SERBP1: variants seen among roughly 807,000 people sequenced by gnomAD.
SERBP1 encodes the protein SERPINE1 mRNA binding protein 1.
SERBP1 carries 6 observed loss-of-function variants against 50.2 expected under a neutral mutation model. The observed-to-expected ratio is 0.12, with a 90% CI of 0.07 to 0.24. The LOEUF (loss-of-function observed/expected upper bound fraction) is 0.24. Among genes scored for constraint, SERBP1 ranks in the 10% least tolerant of loss-of-function variants. The pLI is 1.00. For missense variants in SERBP1, 346 were observed against 524.9 expected, an observed-to-expected ratio of 0.66 and a Z score of 3.33; for synonymous variants, 168 against 182.8, an observed-to-expected ratio of 0.92 and a Z score of 0.65.
Position 67,426,205 on chromosome 1 carries a change from G to T in SERBP1, c.394C>A (p.Pro132Thr), listed in dbSNP as rs141908106. The T allele has an allele frequency of 7.5e-6, 12 of 1,610,400 alleles. No individual in the cohort carries two copies. In the East Asian group the frequency reaches 2.5e-4, roughly 33 times the overall value. Residue 132 changes from proline (P) to threonine (T), a missense_variant, in exon 2 of 8, where the codon CCA becomes ACA. Pro to Thr is a conservative substitution (Grantham distance 38, BLOSUM62 -1). Transcript: ENST00000361219. ...TTTTCGAATCTTCGTTCACGAGGTG[G>T]TCGCCTTTCTGGTCTTCTATCAATT... is the stretch of plus-strand genomic sequence containing the variant. The part of the protein sequence containing the change: ...KIIDRRPERR[P>T]PRERRFEKPL...
At chr1:67,418,236 A>G (rs1264829323) in intron 6 of SERBP1, among the ~76,000 whole-genome samples, 1 of 139,718 alleles carries the variant, frequency 7.2e-6, no homozygotes, top group Non-Finnish European at 1.6e-5. Context: ...CAGTCTCCCA[A>G]AAGTGCTGGG....
chr1:67,415,082 C>A, intron 7 of SERBP1, 84 bp downstream of exon 7: 1 of 1,409,378 alleles, frequency 7.1e-7, no homozygotes. Flanking sequence ...ACTTATGTTC[C>A]CAAAAGTGAC....
At chr1:67,425,479 T>G (rs190128169) in intron 2 of SERBP1, among the ~76,000 whole-genome samples, 84 of 152,352 alleles carry the variant, frequency 5.5e-4, no homozygotes, top group African/African-American at 2.0e-3. Context: ...CTGCTATTCA[T>G]TGCACATATA....
intron 1 of SERBP1, 140 bp downstream of exon 1, chr1:67,429,848 T>G: frequency 9.9e-7 from 1 of 1,007,816 alleles, no homozygotes; most frequent in Non-Finnish European, 1.5e-6. Flanking sequence ...GGACCGGACT[T>G]TTGTCGCGTG....
At chr1:67,420,333 G>T in intron 5 of SERBP1, 147 bp from the exon 6 acceptor site, 1 of 663,870 alleles carries the variant, frequency 1.5e-6, no homozygotes, top group Non-Finnish European at 2.5e-6. Flanking sequence ...AGTTTCCTAT[G>T]TAACTAAGCA....
At position 67,422,226 on chromosome 1, in the gene SERBP1, A is replaced by G. The variant is rs187155742; in HGVS notation, c.773+1974T>C. On this transcript the variant is annotated intron_variant, in intron 5 of 7. Transcript: ENST00000361219. ...AGAGCAAATTCTTTCTGAAGAAAAG[A>G]AAAAGTTTAAGGTGCGGCAGCTCAC... is the stretch of plus-strand genomic sequence containing the variant. Among the ~76,000 whole-genome samples the G allele has an allele frequency of 8.2e-3, 1,246 of 152,328 alleles. 17 individuals are homozygous for G. The highest frequency in any genetic ancestry group is 0.014 in the Non-Finnish European group (969 of 68,030).
At chr1:67,418,933 A>C (rs1316696719) in intron 6 of SERBP1, among the ~76,000 whole-genome samples, 1 of 152,252 alleles carries the variant, frequency 6.6e-6, no homozygotes, top group Admixed American at 6.5e-5. Context: ...CTGATAGAGA[A>C]AATGAATTTA....
At position 67,409,413 on chromosome 1, in the gene SERBP1, ACACACACC is replaced by A. The variant is rs1165368417; in HGVS notation, c.*3786_*3793del. On this transcript the variant is annotated 3_prime_UTR_variant, in exon 8 of 8. Transcript: ENST00000361219. ...CACACACACACACACACACACACAC[ACACACACC>A]CCCACACACACCAGGTCACAGGCTG... 299 of 125,560 alleles carry A rather than the reference ACACACACC, an allele frequency of 2.4e-3. 3 individuals carry two copies. Among genetic ancestry groups the A allele is most frequent in the South Asian group, 0.014 (55 of 3,866 alleles). 7.8% of individuals were successfully genotyped at this position (125,560 alleles called of 1,614,324 possible). A position where few individuals can be genotyped will look rare whatever the true frequency, so the allele number is the denominator to read the frequency against.
rs1382999243 is a variant in SERBP1, at chr1:67,409,464, G to T, written c.*3743C>A. 6.7e-6 allele frequency: 1 copy of T among 148,530 alleles called. No homozygotes were observed. The highest frequency in any genetic ancestry group is 1.5e-5 in the Non-Finnish European group (1 of 67,480). 9.2% of individuals were successfully genotyped at this position (148,530 alleles called of 1,614,324 possible). ...ACAGGCTGAACTTTGCTGACCCCTG[G>T]CTTACATACAGCATCTCATTTAAAT... On this transcript the variant is annotated 3_prime_UTR_variant, in exon 8 of 8. Transcript: ENST00000361219.
At chr1:67,417,971 G>GGTT (rs1235957202) in intron 6 of SERBP1, among the ~76,000 whole-genome samples, 1 of 76,800 alleles carries the variant, frequency 1.3e-5, no homozygotes, top group Admixed American at 2.0e-4. Context: ...TTAAAGTGTT[G>GGTT]TTTTTTTTTT....
At chr1:67,429,460 TGGCCTGGAACGAC>T (rs1213869449) in intron 1 of SERBP1, 1 of 152,592 alleles carries the variant, frequency 6.6e-6, no homozygotes, top group African/African-American at 2.4e-5. Context: ...ACACGTCTGA[TGGCCTGGAACGAC>T]CCCCTGCTTT....
chr1:67,429,865 C>A, intron 1 of SERBP1, 123 bp downstream of exon 1: 1 of 1,096,690 alleles, frequency 9.1e-7, no homozygotes, highest in Non-Finnish European at 1.3e-6. Flanking sequence ...CGTGAAGAAA[C>A]GTGAGGATAT....
At chr1:67,427,952 A>G (rs905614468) in intron 1 of SERBP1, among the ~76,000 whole-genome samples, 6 of 152,328 alleles carry the variant, frequency 3.9e-5, no homozygotes, top group African/African-American at 1.4e-4. Context: ...AATGTACAAA[A>G]TTAATTCATA....
At chr1:67,419,090 T>G (rs758567807) in intron 6 of SERBP1, among the ~76,000 whole-genome samples, 2 of 152,236 alleles carry the variant, frequency 1.3e-5, no homozygotes, top group Non-Finnish European at 2.9e-5. Flanking sequence ...TCCAATACAG[T>G]TGACCCTTGA....
chr1:67,416,793 T>C (rs1243769421), intron 6 of SERBP1, among the ~76,000 whole-genome samples: 1 of 152,220 alleles, frequency 6.6e-6, no homozygotes, highest in Non-Finnish European at 1.5e-5. Context: ...ATACAAATTT[T>C]AAAGGAGGCT....
At chr1:67,424,131 G>C in intron 5 of SERBP1, 69 bp downstream of exon 5, 1 of 1,496,490 alleles carries the variant, frequency 6.7e-7, no homozygotes, top group Non-Finnish European at 9.0e-7. Flanking sequence ...AAATCTATGG[G>C]TTATCTTATT....
rs1478305933 is a variant in SERBP1 at position 67,415,293 on chromosome 1, G to A, written c.998C>T (p.Ala333Val). 1 of 1,610,082 alleles carries A rather than the reference G, an allele frequency of 6.2e-7. No homozygotes were observed. Among genetic ancestry groups the A allele is most frequent in the Non-Finnish European group, 8.5e-7 (1 of 1,178,246 alleles). Reference protein sequence around the residue: ...SVMDHHFRKPANDITSQLEIN... With the variant: ...SVMDHHFRKPVNDITSQLEIN... ...CTCCAGCTGAGACGTTATATCATTT[G>A]CTGGCTTCCGGAAATGATGGTCCAT... The change falls in exon 7 of 8, where the codon GCA (alanine) becomes GTA (valine). Residue 333 changes from alanine to valine, a missense_variant. This residue lies in a region of SERBP1 where 68 missense variants were observed against 97.3 expected (regional missense o/e 0.70). Coordinates refer to ENST00000361219, the MANE Select transcript of SERBP1 (RefSeq NM_001018069.2).
In SERBP1 at chr1:67,424,185, C is replaced by T. The variant is rs552111265; in HGVS notation, c.773+15G>A. 73 of 1,602,654 alleles carry T rather than the reference C, an allele frequency of 4.6e-5. No individual in the cohort carries two copies. The highest frequency in any genetic ancestry group is 5.2e-5 in the Non-Finnish European group (61 of 1,176,748). On this transcript the variant is annotated intron_variant, in intron 5 of 7. Transcript: ENST00000361219. ...TCAATTCTGGGTCATTACTATTACA[C>T]GCAATACCACTTACTTATTTTCAGT...
At chr1:67,426,346 T>C in intron 1 of SERBP1, 61 bp from the exon 2 acceptor site, 1 of 1,487,510 alleles carries the variant, frequency 6.7e-7, no homozygotes, top group South Asian at 1.4e-5. Flanking sequence ...ACTTTAGGCC[T>C]GGACTGTCAA....
Sources: gnomAD v4.1 joint callset for allele counts (sites outside exome capture counted in the v4.1 genomes callset) on GRCh38, gnomAD v4.1.1 for gene constraint, gnomAD v4.1.1 regional missense constraint, MANE v1.5 for transcripts, NCBI Gene and HGNC (gene_info 2026-07-23, HGNC 2026-07-21) for gene names.